The following HDAC4 variants were observed in gnomAD, a reference collection of about 807,000 sequenced individuals.
The protein encoded by HDAC4 is histone deacetylase 4, also known as histone deacetylase A.
HDAC4 carries 16 observed loss-of-function variants against 135.1 expected under a neutral mutation model. The ratio of observed to expected loss-of-function variants is 0.12; its 90% confidence interval spans 0.08 to 0.18. The LOEUF is 0.18. Among genes scored for constraint, HDAC4 ranks in the 10% least tolerant of loss-of-function variants. HDAC4 has a pLI of 1.00. For synonymous variants in HDAC4, 685 were observed against 653.4 expected (o/e 1.05, Z -0.74); for missense variants, 1,143 against 1,511.8 (o/e 0.76, Z 4.05).
At position 239,146,771 on chromosome 2, in the gene HDAC4, T is replaced by G. The variant is rs1438878487; in HGVS notation, c.734-2057A>C. Among the ~76,000 whole-genome samples the G allele has an allele frequency of 1.5e-5, 2 of 132,002 alleles. No homozygotes were observed. Among genetic ancestry groups the G allele is most frequent in the East Asian group, 4.7e-4 (2 of 4,282 alleles). 86.6% of individuals were successfully genotyped at this position (132,002 alleles called of 152,430 possible). A position where few individuals can be genotyped will look rare whatever the true frequency, so the allele number is the denominator to read the frequency against. ...CTCCACGCCCCTCCCAAGGCTGCCCTGACCCCCCACAGCCCCACTGCCCCC... is the reference window on the plus strand; with the variant it reads ...CTCCACGCCCCTCCCAAGGCTGCCCGGACCCCCCACAGCCCCACTGCCCCC... On this transcript the variant is annotated intron_variant, in intron 7 of 26. Transcript: ENST00000543185. This position sits in a 1 kb window ranked among gnomAD's most constrained non-coding sequence, Gnocchi z 4.5.
At chr2:239,312,445 G>A (rs1432782445) in intron 2 of HDAC4, among the ~76,000 whole-genome samples, 1 of 152,200 alleles carries the variant, frequency 6.6e-6, no homozygotes, top group Admixed American at 6.5e-5. Context: ...CACGCACGTA[G>A]TTCCACATTA....
Position 239,051,016 on chromosome 2 carries a change from T to C in HDAC4, c.*2081A>G, listed in dbSNP as rs1336103252. ...ACGTGTGCCCCATGCATTGCTGACA[T>C]GCTCAAAAGGTCTTTGGAAAACTCA... is the stretch of plus-strand genomic sequence containing the variant. On this transcript the variant is annotated 3_prime_UTR_variant, in exon 27 of 27. Coordinates refer to ENST00000543185, the MANE Select transcript of HDAC4 (RefSeq NM_001378414.1). 6.6e-6 allele frequency: 1 copy of C among 152,598 alleles called. No homozygotes were observed. Among genetic ancestry groups the C allele is most frequent in the Non-Finnish European group, 1.5e-5 (1 of 68,018 alleles). 9.5% of individuals were successfully genotyped at this position (152,598 alleles called of 1,614,324 possible).
chr2:239,221,609 GACACACAC>G (rs3838519), intron 3 of HDAC4, among the ~76,000 whole-genome samples: 1,727 of 149,076 alleles, frequency 0.012, 28 homozygotes, highest in African/African-American at 0.037. Context: ...CTGAGAGTGG[GACACACAC>G]ACACACACAC....
At chr2:239,125,369 A>G (rs1424698817) in intron 12 of HDAC4, among the ~76,000 whole-genome samples, 2 of 152,082 alleles carry the variant, frequency 1.3e-5, no homozygotes, top group African/African-American at 4.8e-5. Flanking sequence ...TTCGCCTACC[A>G]CAGTTGAATG....
At chr2:239,103,642 T>G (rs918988669) in intron 15 of HDAC4, among the ~76,000 whole-genome samples, 4 of 152,216 alleles carry the variant, frequency 2.6e-5, no homozygotes, top group African/African-American at 9.6e-5. Flanking sequence ...TGTTACCTGC[T>G]TCCCCCAGGC....
At position 239,053,021 on chromosome 2, in the gene HDAC4, G is replaced by C. The variant is rs13390561; in HGVS notation, c.*76C>G. ...GAGAGCCCCACGGTGGGACGCAGGC[G>C]TGACACGGGAAAGTTTCTTGGCTGA... On this transcript the variant is annotated 3_prime_UTR_variant, in exon 27 of 27. Coordinates refer to ENST00000543185, the MANE Select transcript of HDAC4 (RefSeq NM_001378414.1). 1.3e-6 allele frequency: 2 copies of C among 1,561,118 alleles called. No individual in the cohort carries two copies. Among genetic ancestry groups the C allele is most frequent in the South Asian group, 1.1e-5 (1 of 90,030 alleles).
chr2:239,356,430 A>C (rs752840538), intron 1 of HDAC4, among the ~76,000 whole-genome samples: 1 of 152,176 alleles, frequency 6.6e-6, no homozygotes, highest in Non-Finnish European at 1.5e-5. Flanking sequence ...GGAGGGACTA[A>C]AAAGCTTTTG....
intron 2 of HDAC4, among the ~76,000 whole-genome samples, chr2:239,295,030 G>A (rs961447512): frequency 2.0e-5 from 3 of 152,094 alleles, no homozygotes; most frequent in Non-Finnish European, 4.4e-5. Flanking sequence ...ATTATAGGCC[G>A]GGCGCGGTGG....
At chr2:239,077,525 GCT>G (rs903519056) in intron 22 of HDAC4, among the ~76,000 whole-genome samples, 32 of 152,386 alleles carry the variant, frequency 2.1e-4, no homozygotes, top group African/African-American at 7.7e-4. Flanking sequence ...CGCAGGACGA[GCT>G]CTCTCAGCTC....
At chr2:239,085,031 G>GAGACAGAC (rs1553609589) in intron 19 of HDAC4, among the ~76,000 whole-genome samples, 13 of 138,602 alleles carry the variant, frequency 9.4e-5, no homozygotes, top group African/African-American at 3.0e-4. Flanking sequence ...GTTCCATACT[G>GAGACAGAC]AGACAGACAG....
At chr2:239,209,041 T>A (rs866994586) in intron 3 of HDAC4, among the ~76,000 whole-genome samples, 116 of 152,230 alleles carry the variant, frequency 7.6e-4, no homozygotes, top group African/African-American at 2.7e-3. Context: ...CACGCATGGC[T>A]AGTTTACGTA....
intron 4 of HDAC4, among the ~76,000 whole-genome samples, chr2:239,187,868 A>G (rs974044206): frequency 2.0e-5 from 3 of 152,226 alleles, no homozygotes; most frequent in African/African-American, 7.2e-5. Context: ...CACGGCTGCT[A>G]GGTCGCTCTG....
chr2:239,204,147 C>G (rs78922354), intron 3 of HDAC4, among the ~76,000 whole-genome samples: 1 of 152,218 alleles, frequency 6.6e-6, no homozygotes, highest in Admixed American at 6.5e-5. Context: ...TTCTAAGCAT[C>G]TAGCCTGGCG....
At chr2:239,130,762 A>G (rs1189011726) in intron 11 of HDAC4, among the ~76,000 whole-genome samples, 1 of 151,530 alleles carries the variant, frequency 6.6e-6, no homozygotes, top group African/African-American at 2.4e-5. Context: ...TCTCCTCCAC[A>G]TGCCTGTACT....
At chr2:239,347,991 TCGAGAGCA>T (rs1469170292) in intron 2 of HDAC4, among the ~76,000 whole-genome samples, 1 of 141,190 alleles carries the variant, frequency 7.1e-6, no homozygotes. Context: ...CTGCTTCCTA[TCGAGAGCA>T]TCATCCCGGT....
intron 3 of HDAC4, among the ~76,000 whole-genome samples, chr2:239,223,778 A>AGGATCAC (rs2047094312): frequency 6.6e-6 from 1 of 152,024 alleles, no homozygotes; most frequent in Non-Finnish European, 1.5e-5. Context: ...CGGAGCCAGT[A>AGGATCAC]ACTCTCTTGC....
At chr2:239,096,570 A>T (rs1245389387) in intron 16 of HDAC4, among the ~76,000 whole-genome samples, 1 of 35,090 alleles carries the variant, frequency 2.8e-5, no homozygotes, top group Non-Finnish European at 5.1e-5. Flanking sequence ...AGACGCCTAC[A>T]CCCCCCACGA....
chr2:239,053,277 C>A, intron 26 of HDAC4, 141 bp from the exon 27 acceptor site: 1 of 1,339,938 alleles, frequency 7.5e-7, no homozygotes, highest in South Asian at 1.3e-5. Context: ...TCCATCTGTT[C>A]AGGATCTAAT....
At chr2:239,189,613 T>C (rs1449402925) in intron 4 of HDAC4, among the ~76,000 whole-genome samples, 1 of 152,222 alleles carries the variant, frequency 6.6e-6, no homozygotes, top group Non-Finnish European at 1.5e-5. Context: ...CTCAATGACT[T>C]TGGACCGCCG....
Sources: gnomAD v4.1 joint callset for allele counts (sites outside exome capture counted in the v4.1 genomes callset) on GRCh38, gnomAD v4.1.1 for gene constraint, Gnocchi (gnomAD v3.1) non-coding constraint, MANE v1.5 for transcripts, NCBI Gene and HGNC (gene_info 2026-07-23, HGNC 2026-07-21) for gene names.